The following RHOJ variants were observed in gnomAD, a reference collection of about 807,000 sequenced individuals.
The protein encoded by RHOJ is rho-related GTP-binding protein RhoJ.
Under a neutral mutation model 23.4 loss-of-function variants are expected in RHOJ, and 11 were observed. The observed-to-expected ratio is 0.47, with a 90% CI of 0.30 to 0.78. The LOEUF is 0.78. RHOJ is among the 30% of genes least tolerant of loss of function. The pLI is 0.08. For missense variants in RHOJ, 254 were observed against 273.4 expected (o/e 0.93, Z 0.50); for synonymous variants, 102 against 102.7 (o/e 0.99, Z 0.04).
chr14:63,244,880 T>C (rs983075984), intron 1 of RHOJ, among the ~76,000 whole-genome samples: 1 of 152,226 alleles, frequency 6.6e-6, no homozygotes, highest in Non-Finnish European at 1.5e-5. Flanking sequence ...ATGTCATTAT[T>C]CTTGTCTCTG....
At position 63,293,205 on chromosome 14, in the gene RHOJ, A is replaced by G. The variant is rs574278099; in HGVS notation, c.*2181A>G. ...TGAACTTTTAGTCCTGTAATAAATG[A>G]AATGTTATTAGGCAGCTTTGTTGCA... On this transcript the variant is annotated 3_prime_UTR_variant, in exon 5 of 5. Transcript: ENST00000316754. 6 of 152,362 alleles carry G rather than the reference A, an allele frequency of 3.9e-5. No homozygotes were observed. In the South Asian group the frequency reaches 1.2e-3, roughly 32 times the overall value. 9.4% of individuals were successfully genotyped at this position (152,362 alleles called of 1,614,324 possible). A position where few individuals can be genotyped will look rare whatever the true frequency, so the allele number is the denominator to read the frequency against.
At chr14:63,207,505 T>C (rs994467481) in intron 1 of RHOJ, among the ~76,000 whole-genome samples, 3 of 152,244 alleles carry the variant, frequency 2.0e-5, no homozygotes, top group African/African-American at 7.2e-5. Context: ...GGATCCAGTA[T>C]CTAATTCCTG....
At chr14:63,247,803 G>A (rs1895002589) in intron 1 of RHOJ, among the ~76,000 whole-genome samples, 1 of 152,148 alleles carries the variant, frequency 6.6e-6, no homozygotes, top group African/African-American at 2.4e-5. Context: ...ACATACCCAA[G>A]ACTGGGTAAT....
chr14:63,251,026 T>C (rs1164193977), intron 1 of RHOJ, among the ~76,000 whole-genome samples: 1 of 152,060 alleles, frequency 6.6e-6, no homozygotes, highest in Non-Finnish European at 1.5e-5. Flanking sequence ...CAAGTGAAAC[T>C]CCGTCTCAAA....
Position 63,290,694 on chromosome 14 carries a change from A to T in RHOJ, c.499-184A>T, listed in dbSNP as rs199962609. On this transcript the variant is annotated intron_variant, in intron 4 of 4. Transcript: ENST00000316754. The stretch of plus-strand genomic sequence containing the variant: ...AAAAAATACAAAAATACAAAAAAAA[A>T]AAAATAGGATAGCAGATACAAATTG... Among the ~76,000 whole-genome samples the T allele has an allele frequency of 3.0e-3, 454 of 151,962 alleles. 13 individuals carry two copies. In the East Asian group the frequency reaches 0.047, roughly 16 times the overall value.
intron 1 of RHOJ, among the ~76,000 whole-genome samples, chr14:63,236,939 G>A (rs1894800577): frequency 6.6e-6 from 1 of 152,010 alleles, no homozygotes; most frequent in Admixed American, 6.6e-5. Flanking sequence ...TCATCTCTAG[G>A]TTACTTATAC....
At chr14:63,285,982 C>T (rs1158287314) in intron 4 of RHOJ, among the ~76,000 whole-genome samples, 1 of 152,210 alleles carries the variant, frequency 6.6e-6, no homozygotes, top group Non-Finnish European at 1.5e-5. Flanking sequence ...CCATCTTCTT[C>T]ACACTGTGCC....
chr14:63,268,214 A>AC (rs1006067025), intron 1 of RHOJ, among the ~76,000 whole-genome samples: 18 of 150,108 alleles, frequency 1.2e-4, no homozygotes, highest in Admixed American at 2.0e-4. Flanking sequence ...AAGCGATTCA[A>AC]TTTTTTTTTT....
rs549980157 is a variant in RHOJ at position 63,215,983 on chromosome 14, G to A, written c.178+10936G>A. Among the ~76,000 whole-genome samples the A allele has an allele frequency of 6.3e-4, 96 of 152,266 alleles. 1 individual carries two copies. The highest frequency in any genetic ancestry group is 3.1e-3 in the Admixed American group (48 of 15,286). On this transcript the variant is annotated intron_variant, in intron 1 of 4. Coordinates refer to ENST00000316754, the MANE Select transcript of RHOJ (RefSeq NM_020663.5). The stretch of plus-strand genomic sequence containing the variant: ...ACTGAAGTTAGCATCCTATGTGGAC[G>A]CTCAGGATAATTTTCTATGTTGAAA...
intron 1 of RHOJ, among the ~76,000 whole-genome samples, chr14:63,213,356 C>T (rs1894281535): frequency 6.6e-6 from 1 of 152,156 alleles, no homozygotes; most frequent in Non-Finnish European, 1.5e-5. Context: ...CCAGTGTCTA[C>T]CTCCCACTTA....
At chr14:63,220,982 C>A (rs1894479838) in intron 1 of RHOJ, among the ~76,000 whole-genome samples, 1 of 152,168 alleles carries the variant, frequency 6.6e-6, no homozygotes, top group Non-Finnish European at 1.5e-5. Flanking sequence ...TAAGACCCCA[C>A]AAACTTTCCT....
chr14:63,283,462 G>A (rs193074233), intron 4 of RHOJ, among the ~76,000 whole-genome samples: 7 of 152,274 alleles, frequency 4.6e-5, no homozygotes, highest in African/African-American at 1.4e-4. Flanking sequence ...AACAGCTGAA[G>A]CACTTATCAT....
At chr14:63,269,024 T>C in intron 1 of RHOJ, 86 bp from the exon 2 acceptor site, 1 of 903,666 alleles carries the variant, frequency 1.1e-6, no homozygotes, top group South Asian at 1.4e-5. Context: ...CCCAAGGAGA[T>C]GCTGGCATGG....
chr14:63,279,575 G>T (rs565357545), intron 2 of RHOJ, among the ~76,000 whole-genome samples: 1 of 152,244 alleles, frequency 6.6e-6, no homozygotes, highest in Admixed American at 6.5e-5. Flanking sequence ...GAAATGATGC[G>T]CAGTTTTACT....
chr14:63,239,311 C>T (rs922103839), intron 1 of RHOJ, among the ~76,000 whole-genome samples: 4 of 152,026 alleles, frequency 2.6e-5, no homozygotes, highest in African/African-American at 9.7e-5. Context: ...GGGGTTTCGC[C>T]ATGTTGGCCA....
Position 63,272,273 on chromosome 14 carries a change from T to A in RHOJ, c.237+3105T>A, listed in dbSNP as rs536227245. Among the ~76,000 whole-genome samples, 9 of 152,366 alleles carry A rather than the reference T, an allele frequency of 5.9e-5. 1 individual carries two copies. In the East Asian group the frequency reaches 1.7e-3, roughly 29 times the overall value. The stretch of plus-strand genomic sequence containing the variant: ...AGTGTCCCAAAATTTCCATTCCTAG[T>A]CCTAGGTAGAATAATCTGCCTCTTC... On this transcript the variant is annotated intron_variant, in intron 2 of 4. Transcript: ENST00000316754.
intron 1 of RHOJ, among the ~76,000 whole-genome samples, chr14:63,266,431 G>C (rs910232355): frequency 6.6e-6 from 1 of 152,188 alleles, no homozygotes; most frequent in African/African-American, 2.4e-5. Flanking sequence ...CAAGAGGAGG[G>C]TTCCATTCAG....
intron 1 of RHOJ, among the ~76,000 whole-genome samples, chr14:63,243,716 G>A (rs1894925953): frequency 6.6e-6 from 1 of 152,150 alleles, no homozygotes; most frequent in South Asian, 2.1e-4. Context: ...AAACGGCAAG[G>A]ACATCCTAAA....
At chr14:63,277,966 A>ACACAC (rs1555348905) in intron 2 of RHOJ, among the ~76,000 whole-genome samples, 1 of 141,408 alleles carries the variant, frequency 7.1e-6, no homozygotes, top group African/African-American at 2.7e-5. Flanking sequence ...CAGCTACACA[A>ACACAC]ACACACACAC....
Sources: gnomAD v4.1 joint callset for allele counts (sites outside exome capture counted in the v4.1 genomes callset) on GRCh38, gnomAD v4.1.1 for gene constraint, MANE v1.5 for transcripts, NCBI Gene and HGNC (gene_info 2026-07-23, HGNC 2026-07-21) for gene names.